The following GNG4 variants were observed in gnomAD, a reference collection of about 807,000 sequenced individuals.
The protein encoded by GNG4 is guanine nucleotide-binding protein G(I)/G(S)/G(O) subunit gamma-4.
Under a neutral mutation model 5.8 loss-of-function variants are expected in GNG4, and 4 were observed. The ratio of observed to expected loss-of-function variants is 0.69; its 90% CI spans 0.34 to 1.57. The LOEUF is 1.57. Among genes scored for constraint, GNG4 ranks in the 40% most tolerant of loss-of-function variants. The probability of loss-of-function intolerance (pLI) is 0.06; values close to 1 mark genes in which losing one functional copy is unlikely to be tolerated. For missense variants in GNG4, 96 were observed against 95.1 expected (o/e 1.01, Z -0.04); for synonymous variants, 29 against 32.9 (o/e 0.88, Z 0.41).
chr1:235,643,303 C>T (rs1412336847), intron 1 of GNG4, among the ~76,000 whole-genome samples: 2 of 152,240 alleles, frequency 1.3e-5, no homozygotes, highest in Non-Finnish European at 2.9e-5. Flanking sequence ...AGCCCTTTCT[C>T]ATTTGTCTGG....
At chr1:235,621,779 T>G (rs965015764) in intron 1 of GNG4, among the ~76,000 whole-genome samples, 1 of 151,450 alleles carries the variant, frequency 6.6e-6, no homozygotes, top group African/African-American at 2.4e-5. Flanking sequence ...TGGGCTTAAG[T>G]GAGCCTCCTG....
chr1:235,579,907 C>T (rs1687585676), intron 3 of GNG4, among the ~76,000 whole-genome samples: 1 of 151,260 alleles, frequency 6.6e-6, no homozygotes, highest in African/African-American at 2.4e-5. Flanking sequence ...TCCAGCAATT[C>T]CACTTGTGGG....
intron 1 of GNG4, among the ~76,000 whole-genome samples, chr1:235,639,844 T>A (rs570031987): frequency 1.3e-5 from 2 of 152,184 alleles, no homozygotes; most frequent in Admixed American, 6.5e-5. Flanking sequence ...CCTCACTGGA[T>A]TGTAAATGCC....
chr1:235,577,415 C>T (rs1303383145), intron 3 of GNG4, among the ~76,000 whole-genome samples: 1 of 152,114 alleles, frequency 6.6e-6, no homozygotes, highest in Admixed American at 6.6e-5. Context: ...GCCTTTTCCT[C>T]TTCCTTGGAA....
At chr1:235,589,218 C>T (rs1463976990) in intron 2 of GNG4, among the ~76,000 whole-genome samples, 1 of 152,218 alleles carries the variant, frequency 6.6e-6, no homozygotes, top group Non-Finnish European at 1.5e-5. Context: ...GCCCTGCTGA[C>T]ACTGTACAGG....
intron 1 of GNG4, among the ~76,000 whole-genome samples, chr1:235,604,334 G>A (rs959619131): frequency 3.9e-5 from 6 of 152,340 alleles, no homozygotes; most frequent in African/African-American, 9.6e-5. Flanking sequence ...GTAGTTGAGC[G>A]ATGGCGTGGC....
chr1:235,592,140 G>A (rs915050740), intron 2 of GNG4, among the ~76,000 whole-genome samples: 20 of 152,180 alleles, frequency 1.3e-4, no homozygotes, highest in African/African-American at 2.7e-4. Flanking sequence ...CCTACGGAAT[G>A]AATCAGCTGG....
chr1:235,599,419 C>T (rs1422604297), intron 1 of GNG4, among the ~76,000 whole-genome samples: 6 of 151,228 alleles, frequency 4.0e-5, no homozygotes, highest in South Asian at 4.2e-4. Flanking sequence ...CGGGTTCAAG[C>T]GAGTCTCCTG....
Position 235,583,846 on chromosome 1 carries a change from C to A in GNG4, c.-8G>T. The A allele has an allele frequency of 1.2e-6, 2 of 1,600,198 alleles. No individual in the cohort carries two copies. The highest frequency in any genetic ancestry group is 1.7e-5 in the Admixed American group (1 of 59,938). Reference sequence around the variant, plus strand: ...AGACATGCCCTCTTTCATTCTACTGCCCCTAGAAGTAACCAAAGTAAAAGG... The same window carrying A: ...AGACATGCCCTCTTTCATTCTACTGACCCTAGAAGTAACCAAAGTAAAAGG... On this transcript the variant is annotated splice_region_variant and 5_prime_UTR_variant, in exon 3 of 4. Coordinates refer to ENST00000391854, the MANE Select transcript of GNG4 (RefSeq NM_001098722.2).
intron 1 of GNG4, among the ~76,000 whole-genome samples, chr1:235,597,722 T>C (rs1250857214): frequency 6.6e-6 from 1 of 150,962 alleles, no homozygotes; most frequent in Admixed American, 6.6e-5. Flanking sequence ...ACCTCCCAGA[T>C]TCAAGTGATT....
chr1:235,572,564 T>G (rs1286648296), intron 3 of GNG4, among the ~76,000 whole-genome samples: 1 of 147,720 alleles, frequency 6.8e-6, no homozygotes, highest in African/African-American at 2.5e-5. Context: ...TGAGGTGGTA[T>G]GTTCTCAGCT....
At chr1:235,556,192 G>C (rs1458029943) in intron 3 of GNG4, among the ~76,000 whole-genome samples, 2 of 151,868 alleles carry the variant, frequency 1.3e-5, no homozygotes, top group African/African-American at 2.4e-5. Flanking sequence ...CACATGATAA[G>C]TATTATCTTA....
chr1:235,567,263 G>A (rs1687219709), intron 3 of GNG4, among the ~76,000 whole-genome samples: 1 of 152,056 alleles, frequency 6.6e-6, no homozygotes, highest in Non-Finnish European at 1.5e-5. Context: ...AGGACTATAT[G>A]TTTATACAAA....
chr1:235,583,733 T>C lies in GNG4; in HGVS notation c.99+7A>G. ...GCGGAGGGTGGGGCTGACGCATGCA[T>C]GCTTACCTTGACCCTGTCCATACAG... On this transcript the variant is annotated splice_region_variant and intron_variant, in intron 3 of 3. Transcript: ENST00000391854. 6.3e-7 allele frequency: 1 copy of C among 1,590,816 alleles called. No homozygotes were observed.
rs1048988530 is a variant in GNG4, at chr1:235,642,377, G to C, written c.-123+7285C>G. Among the ~76,000 whole-genome samples, 1 of 152,198 alleles carries C rather than the reference G, an allele frequency of 6.6e-6. No homozygotes were observed. The highest frequency in any genetic ancestry group is 1.5e-5 in the Non-Finnish European group (1 of 68,036). On this transcript the variant is annotated intron_variant, in intron 1 of 3. Transcript: ENST00000391854. The surrounding 1 kb of genome is among the most constrained non-coding windows in gnomAD (Gnocchi z 4.3). The stretch of plus-strand genomic sequence containing the variant: ...AAACATAGAACAGAAACTCCCTCTC[G>C]AATAGAGACCCACGCACGGAAGGAT...
chr1:235,625,350 C>T (rs1688789041), intron 1 of GNG4, among the ~76,000 whole-genome samples: 1 of 152,176 alleles, frequency 6.6e-6, no homozygotes, highest in Admixed American at 6.5e-5. Context: ...AACTCCTGTC[C>T]CCAAATAGGC....
chr1:235,604,228 A>G (rs1050130294), intron 1 of GNG4, among the ~76,000 whole-genome samples: 2 of 152,212 alleles, frequency 1.3e-5, no homozygotes, highest in Non-Finnish European at 2.9e-5. Context: ...GTGTTTGTAC[A>G]GTCTATAAAC....
chr1:235,581,962 AAGG>A (rs1432857983), intron 3 of GNG4, among the ~76,000 whole-genome samples: 1 of 152,208 alleles, frequency 6.6e-6, no homozygotes, highest in Non-Finnish European at 1.5e-5. Flanking sequence ...CGCCTGGGCA[AAGG>A]AGAACTGCCT....
At chr1:235,572,752 G>A (rs1687377640) in intron 3 of GNG4, among the ~76,000 whole-genome samples, 2 of 151,676 alleles carry the variant, frequency 1.3e-5, no homozygotes, top group South Asian at 2.1e-4. Flanking sequence ...TACCCACCTC[G>A]GCCTCCCAAA....
Sources: allele counts gnomAD v4.1 joint callset (sites outside exome capture counted in the v4.1 genomes callset), GRCh38; gene constraint gnomAD v4.1.1; non-coding constraint Gnocchi (gnomAD v3.1); transcripts MANE v1.5; gene names NCBI Gene and HGNC (gene_info 2026-07-23, HGNC 2026-07-21).